Variants in CDC37L1 observed in about 807,000 individuals in gnomAD.
CDC37L1 encodes cell division cycle 37 like 1, HSP90 cochaperone.
A neutral mutation model predicts 45.9 loss-of-function variants in CDC37L1; 32 were observed. The observed-to-expected ratio is 0.70, with a 90% CI of 0.53 to 0.94. The LOEUF (loss-of-function observed/expected upper bound fraction) is 0.94. Ranked by LOEUF, CDC37L1 falls within the 40% of genes least tolerant of loss-of-function variation. CDC37L1 has a pLI of 0.00. For synonymous variants in CDC37L1, 150 were observed against 133.0 expected, an observed-to-expected ratio of 1.13 and a Z score of -0.88; for missense variants, 434 against 405.7, an observed-to-expected ratio of 1.07 and a Z score of -0.60.
rs191747221 is a variant in CDC37L1, at chr9:4,698,454, T to C, written c.747+575T>C. On this transcript the variant is annotated intron_variant, in intron 5 of 6. Transcript: ENST00000381854. Reference sequence around the variant, plus strand: ...AGGAAGCAGTACATACTAGATGATGTTGGCTATGTTGAAGAAAAATAGATG... The same window carrying C: ...AGGAAGCAGTACATACTAGATGATGCTGGCTATGTTGAAGAAAAATAGATG... Among the ~76,000 whole-genome samples the C allele has an allele frequency of 2.0e-5, 3 of 149,772 alleles. No individual in the cohort carries two copies. The East Asian group carries it at 5.8e-4, about 29-fold the overall frequency.
rs372558825 is a variant in CDC37L1, at chr9:4,699,669, TAAG to T, written c.747+1795_747+1797del. On this transcript the variant is annotated intron_variant, in intron 5 of 6. Coordinates refer to ENST00000381854, the MANE Select transcript of CDC37L1 (RefSeq NM_017913.4). ...TAAAACTAAAAAGCAAAGGAATAATTAAGAAGACAAAAGTTACAATAATGATAA... is the reference window on the plus strand; with the variant it reads ...TAAAACTAAAAAGCAAAGGAATAATTAAGACAAAAGTTACAATAATGATAA... Among the ~76,000 whole-genome samples, 73 of 152,194 alleles carry T rather than the reference TAAG, an allele frequency of 4.8e-4. No individual in the cohort carries two copies. The South Asian group carries it at 0.015, about 31-fold the overall frequency.
intron 6 of CDC37L1, chr9:4,703,298 A>T: frequency 2.5e-6 from 1 of 399,596 alleles, no homozygotes; most frequent in Non-Finnish European, 4.3e-6. Context: ...AAAGTGATTG[A>T]TCATATTTAC....
intron 3 of CDC37L1, among the ~76,000 whole-genome samples, chr9:4,693,846 A>C (rs1004701563): frequency 1.3e-5 from 2 of 152,180 alleles, no homozygotes; most frequent in Non-Finnish European, 2.9e-5. Context: ...GAAAATCCTG[A>C]GTTAGGTACT....
intron 6 of CDC37L1, among the ~76,000 whole-genome samples, chr9:4,704,679 T>C (rs1397083512): frequency 6.6e-6 from 1 of 152,196 alleles, no homozygotes; most frequent in African/African-American, 2.4e-5. Context: ...GTAACAATAA[T>C]ATTGGTCATT....
At chr9:4,703,220 G>A in intron 6 of CDC37L1, 1 of 1,038,418 alleles carries the variant, frequency 9.6e-7, no homozygotes, top group Non-Finnish European at 1.3e-6. Flanking sequence ...TAAAAATTGG[G>A]ATTTTCAGTG....
In CDC37L1 at chr9:4,697,846, A is replaced by T; in HGVS notation, c.714A>T (p.Arg238Ser). ...CCAAAAACTGTAATGTGGATCCAAGAGGGTGTTTTCGTTTATTTTTCCAGA... is the reference window on the plus strand; with the variant it reads ...CCAAAAACTGTAATGTGGATCCAAGTGGGTGTTTTCGTTTATTTTTCCAGA... ...EMAKNCNVDPRGCFRLFFQKA... is the reference protein window; with the variant it reads ...EMAKNCNVDPSGCFRLFFQKA... Residue 238 changes from arginine to serine, a missense_variant, in exon 5 of 7, where the codon AGA becomes AGT. Coordinates refer to ENST00000381854, the MANE Select transcript of CDC37L1 (RefSeq NM_017913.4). 1 of 1,613,158 alleles carries T rather than the reference A, an allele frequency of 6.2e-7. No individual in the cohort carries two copies. The highest frequency in any genetic ancestry group is 8.5e-7 in the Non-Finnish European group (1 of 1,179,352).
chr9:4,702,079 T>A, intron 6 of CDC37L1, 51 bp downstream of exon 6: 1 of 973,978 alleles, frequency 1.0e-6, no homozygotes, highest in Non-Finnish European at 1.4e-6. Flanking sequence ...ATTCACATAA[T>A]TTTTGTTATT....
At chr9:4,696,206 T>G (rs1418699707) in intron 3 of CDC37L1, among the ~76,000 whole-genome samples, 1 of 152,224 alleles carries the variant, frequency 6.6e-6, no homozygotes, top group Admixed American at 6.5e-5. Flanking sequence ...TGTACTGATG[T>G]GGAATTAAAT....
intron 1 of CDC37L1, 53 bp downstream of exon 1, chr9:4,679,952 CCCTG>C: frequency 6.3e-7 from 1 of 1,599,596 alleles, no homozygotes; most frequent in Non-Finnish European, 8.5e-7. Context: ...GTCGCCAAAC[CCCTG>C]GAATGCCGCG....
chr9:4,699,179 T>C (rs774123028), intron 5 of CDC37L1, among the ~76,000 whole-genome samples: 3 of 152,164 alleles, frequency 2.0e-5, no homozygotes, highest in Admixed American at 1.3e-4. Flanking sequence ...TCATAGTAGA[T>C]TGTAATAGCT....
intron 1 of CDC37L1, 98 bp downstream of exon 1, chr9:4,679,997 A>T (rs1841173733): frequency 1.4e-6 from 2 of 1,452,902 alleles, no homozygotes; most frequent in African/African-American, 2.8e-5. Context: ...GCCTTTTTCT[A>T]CGCCCACCTC....
At chr9:4,693,385 A>G (rs1841318717) in intron 3 of CDC37L1, among the ~76,000 whole-genome samples, 1 of 152,008 alleles carries the variant, frequency 6.6e-6, no homozygotes, top group African/African-American at 2.4e-5. Flanking sequence ...TGAGGCTGCA[A>G]TGAGTTGTGA....
intron 6 of CDC37L1, among the ~76,000 whole-genome samples, chr9:4,705,082 T>G (rs1417910952): frequency 6.6e-6 from 1 of 152,284 alleles, no homozygotes; most frequent in Middle Eastern, 3.4e-3. Flanking sequence ...TGTTGTACTT[T>G]CTTAGGAGGA....
rs1389357248 is a variant in CDC37L1 at position 4,707,943 on chromosome 9, C to T, written c.*1831C>T. 6.6e-6 allele frequency: 1 copy of T among 152,192 alleles called. No individual in the cohort carries two copies. Among genetic ancestry groups the T allele is most frequent in the Non-Finnish European group, 1.5e-5 (1 of 68,036 alleles). 9.4% of individuals were successfully genotyped at this position (152,192 alleles called of 1,614,324 possible). A position where few individuals can be genotyped will look rare whatever the true frequency, so the allele number is the denominator to read the frequency against. ...GTTAGAGGTATTTAATGACTGAAGACTGGCAGGAGAGAAAGTATCAACAAA... is the reference window on the plus strand; with the variant it reads ...GTTAGAGGTATTTAATGACTGAAGATTGGCAGGAGAGAAAGTATCAACAAA... On this transcript the variant is annotated 3_prime_UTR_variant, in exon 7 of 7. Coordinates refer to ENST00000381854, the MANE Select transcript of CDC37L1 (RefSeq NM_017913.4).
At chr9:4,705,537 G>T (rs1038477103) in intron 6 of CDC37L1, among the ~76,000 whole-genome samples, 6 of 152,082 alleles carry the variant, frequency 3.9e-5, no homozygotes, top group African/African-American at 1.2e-4. Context: ...TAACCTTTGG[G>T]AAACCACAAT....
intron 3 of CDC37L1, among the ~76,000 whole-genome samples, chr9:4,695,088 G>T (rs746035317): frequency 5.3e-5 from 8 of 152,312 alleles, no homozygotes; most frequent in Non-Finnish European, 1.0e-4. Flanking sequence ...CTCCAGAAGT[G>T]TAAGAAAGCT....
chr9:4,705,580 T>A (rs1841434426), intron 6 of CDC37L1, among the ~76,000 whole-genome samples: 1 of 152,172 alleles, frequency 6.6e-6, no homozygotes, highest in African/African-American at 2.4e-5. Flanking sequence ...TTTTACCCAG[T>A]AAATTTTTTC....
At chr9:4,705,606 T>G (rs907175013) in intron 6 of CDC37L1, among the ~76,000 whole-genome samples, 2 of 152,200 alleles carry the variant, frequency 1.3e-5, no homozygotes, top group Non-Finnish European at 2.9e-5. Context: ...TTAGATGATT[T>G]GCAGTTTTAG....
Position 4,691,798 on chromosome 9 carries a change from A to G in CDC37L1, c.508+3192A>G, listed in dbSNP as rs146988874. ...GACTATTATAAAGCATTGAAATCTG[A>G]CTTTTTCCTCTACATTTGTATTTAG... On this transcript the variant is annotated intron_variant, in intron 3 of 6. Transcript: ENST00000381854. Among the ~76,000 whole-genome samples the G allele has an allele frequency of 4.9e-3, 744 of 152,060 alleles. 4 individuals carry two copies. The highest frequency in any genetic ancestry group is 0.016 in the African/African-American group (671 of 41,472).
Sources: gnomAD v4.1 joint callset for allele counts (sites outside exome capture counted in the v4.1 genomes callset) on GRCh38, gnomAD v4.1.1 for gene constraint, MANE v1.5 for transcripts, NCBI Gene and HGNC (gene_info 2026-07-23, HGNC 2026-07-21) for gene names.